The following PTPRD variants were observed in gnomAD, a reference collection of about 807,000 sequenced individuals.
PTPRD encodes receptor-type tyrosine-protein phosphatase delta.
PTPRD carries 34 observed loss-of-function variants against 214.5 expected under a neutral mutation model. The ratio of observed to expected loss-of-function variants is 0.16; its 90% CI spans 0.12 to 0.21. The LOEUF (loss-of-function observed/expected upper bound fraction) is 0.21, where lower values mean the gene tolerates loss of function less well. Among genes scored for constraint, PTPRD ranks in the 10% least tolerant of loss-of-function variants. The pLI is 1.00. For missense variants in PTPRD, 2,545 were observed against 2,398.7 expected, an observed-to-expected ratio of 1.06 and a Z score of -1.27; for synonymous variants, 1,128 against 845.7, an observed-to-expected ratio of 1.33 and a Z score of -5.79.
In PTPRD at chr9:9,812,732, CAG is replaced by C. The variant is rs960045123; in HGVS notation, c.-367-45883_-367-45882del. On this transcript the variant is annotated intron_variant, in intron 5 of 45. Transcript: ENST00000381196. ...TTCAATAATGGATATATCATCCAGA[CAG>C]AAAATCAATAAGGAAACAGCAGACT... Among the ~76,000 whole-genome samples the C allele has an allele frequency of 9.2e-5, 14 of 152,006 alleles. 1 individual carries two copies. Among genetic ancestry groups the C allele is most frequent in the African/African-American group, 3.1e-4 (13 of 41,412 alleles).
chr9:10,058,863 T>C (rs1357057267), intron 3 of PTPRD, among the ~76,000 whole-genome samples: 4 of 152,144 alleles, frequency 2.6e-5, no homozygotes, highest in Non-Finnish European at 5.9e-5. Context: ...ACATGCCTGT[T>C]GCTTTGTTTC....
chr9:8,412,983 A>G (rs1021178873), intron 35 of PTPRD, among the ~76,000 whole-genome samples: 2 of 152,220 alleles, frequency 1.3e-5, no homozygotes, highest in Non-Finnish European at 2.9e-5. Flanking sequence ...TGGTTTCACA[A>G]TTGTTGTGCG....
intron 2 of PTPRD, among the ~76,000 whole-genome samples, chr9:10,472,936 G>A (rs888846778): frequency 6.6e-6 from 1 of 151,896 alleles, no homozygotes; most frequent in South Asian, 2.1e-4. Context: ...TTAAGCAAGA[G>A]ATTATATTGC....
intron 9 of PTPRD, among the ~76,000 whole-genome samples, chr9:9,192,479 G>A (rs758272372): frequency 1.3e-5 from 2 of 152,012 alleles, no homozygotes; most frequent in Admixed American, 1.3e-4. Flanking sequence ...AAGTCAGCCT[G>A]GTTTTAATCC....
At chr9:8,779,565 C>G (rs1007004804) in intron 11 of PTPRD, among the ~76,000 whole-genome samples, 4 of 152,166 alleles carry the variant, frequency 2.6e-5, no homozygotes, top group African/African-American at 9.7e-5. Flanking sequence ...AGGAATAACA[C>G]TACCAAGGCC....
At chr9:10,410,639 C>G (rs2098424516) in intron 2 of PTPRD, among the ~76,000 whole-genome samples, 1 of 151,304 alleles carries the variant, frequency 6.6e-6, no homozygotes, top group African/African-American at 2.4e-5. Flanking sequence ...GTACTTGTAC[C>G]AAGTGACATA....
chr9:10,472,852 TA>T, intron 2 of PTPRD, among the ~76,000 whole-genome samples: 1 of 152,092 alleles, frequency 6.6e-6, no homozygotes, highest in Non-Finnish European at 1.5e-5. Flanking sequence ...TCAAGTTATT[TA>T]AAAATATTTC....
At chr9:9,118,648 C>G (rs2099814576) in intron 10 of PTPRD, among the ~76,000 whole-genome samples, 1 of 152,120 alleles carries the variant, frequency 6.6e-6, no homozygotes, top group Admixed American at 6.5e-5. Context: ...CAGCTTTCCT[C>G]TATTGAGACG....
intron 8 of PTPRD, among the ~76,000 whole-genome samples, chr9:9,415,189 C>T (rs1158676451): frequency 6.6e-6 from 1 of 152,118 alleles, no homozygotes; most frequent in East Asian, 1.9e-4. Context: ...AGAGTTCCTT[C>T]AGATGGCATA....
intron 5 of PTPRD, among the ~76,000 whole-genome samples, chr9:9,909,042 A>AT (rs1281162987): frequency 2.7e-5 from 4 of 146,852 alleles, no homozygotes; most frequent in African/African-American, 5.2e-5. Flanking sequence ...TAAATAAAGG[A>AT]TTTTTTTCAC....
chr9:9,311,565 G>A (rs1959011102), intron 9 of PTPRD, among the ~76,000 whole-genome samples: 1 of 152,112 alleles, frequency 6.6e-6, no homozygotes, highest in Non-Finnish European at 1.5e-5. Flanking sequence ...AATAAGTAAA[G>A]GTTATTATCA....
At chr9:9,613,984 G>T (rs1376412784) in intron 7 of PTPRD, among the ~76,000 whole-genome samples, 1 of 152,056 alleles carries the variant, frequency 6.6e-6, no homozygotes, top group Non-Finnish European at 1.5e-5. Flanking sequence ...GTCTCCTCAC[G>T]GTCCTCATCA....
intron 10 of PTPRD, among the ~76,000 whole-genome samples, chr9:9,175,643 A>AC (rs1569558787): frequency 9.3e-5 from 14 of 151,116 alleles, no homozygotes; most frequent in Admixed American, 2.0e-4. Flanking sequence ...AAAAAAAAAA[A>AC]AAAAAAAGAG....
At chr9:8,383,036 T>C (rs1369379756) in intron 37 of PTPRD, among the ~76,000 whole-genome samples, 2 of 152,158 alleles carry the variant, frequency 1.3e-5, no homozygotes, top group African/African-American at 4.8e-5. Flanking sequence ...CCAAAACTGA[T>C]AACAGCAATG....
chr9:8,567,989 G>C (rs1253649901), intron 14 of PTPRD, among the ~76,000 whole-genome samples: 1 of 151,980 alleles, frequency 6.6e-6, no homozygotes, highest in African/African-American at 2.4e-5. Flanking sequence ...TTATTTTCAC[G>C]GAAATTTAAC....
intron 4 of PTPRD, among the ~76,000 whole-genome samples, chr9:10,019,984 A>T (rs1217012523): frequency 6.6e-6 from 1 of 152,164 alleles, no homozygotes; most frequent in African/African-American, 2.4e-5. Flanking sequence ...TATACAGGTT[A>T]ATGTATATAA....
At chr9:8,689,006 G>A (rs1040868478) in intron 12 of PTPRD, among the ~76,000 whole-genome samples, 4 of 152,028 alleles carry the variant, frequency 2.6e-5, no homozygotes, top group African/African-American at 9.7e-5. Flanking sequence ...TAATACAGGG[G>A]CAAAAAAGAG....
chr9:9,726,077 T>C (rs974163508), intron 7 of PTPRD, among the ~76,000 whole-genome samples: 2 of 152,172 alleles, frequency 1.3e-5, no homozygotes, highest in Admixed American at 1.3e-4. Flanking sequence ...AAGAAATTTC[T>C]CATTGTTTTT....
At chr9:9,267,092 C>T (rs10977623) in intron 9 of PTPRD, among the ~76,000 whole-genome samples, 1 of 151,206 alleles carries the variant, frequency 6.6e-6, no homozygotes, top group Non-Finnish European at 1.5e-5. Flanking sequence ...GTTTTAAATG[C>T]TAATTACCCT....
Sources: allele counts gnomAD v4.1 joint callset (sites outside exome capture counted in the v4.1 genomes callset), GRCh38; gene constraint gnomAD v4.1.1; transcripts MANE v1.5; gene names NCBI Gene and HGNC (gene_info 2026-07-23, HGNC 2026-07-21).